The following DNAH14 variants were observed in gnomAD, a reference collection of about 807,000 sequenced individuals.
DNAH14 encodes the protein dynein axonemal heavy chain 14.
A neutral mutation model predicts 520.9 loss-of-function variants in DNAH14; 478 were observed. The observed-to-expected ratio is 0.92, with a 90% CI of 0.85 to 0.99. The LOEUF (loss-of-function observed/expected upper bound fraction) is 0.99. Ranked by LOEUF, DNAH14 falls within the 50% of genes least tolerant of loss-of-function variation. The probability of loss-of-function intolerance (pLI) is 0.00; values close to 1 mark genes in which losing one functional copy is unlikely to be tolerated. For synonymous variants in DNAH14, 1,581 were observed against 1,757.2 expected (o/e 0.90, Z 2.51); for missense variants, 4,831 against 5,234.5 (o/e 0.92, Z 2.38).
At chr1:225,214,099 T>G (rs1191644057) in intron 41 of DNAH14, among the ~76,000 whole-genome samples, 1 of 152,180 alleles carries the variant, frequency 6.6e-6, no homozygotes, top group Admixed American at 6.5e-5. Context: ...CCTAGTTTAT[T>G]GAGAGTGTTT....
In DNAH14 at chr1:225,289,805, AC is replaced by A. The variant is rs1379355659; in HGVS notation, c.8272-79del. The A allele has an allele frequency of 3.9e-6, 4 of 1,034,908 alleles. No individual in the cohort carries two copies. In the African/African-American group the frequency reaches 6.6e-5, roughly 17 times the overall value. The allele number at this position is 1,034,908 out of a possible 1,614,324, so 64.1% of individuals were successfully genotyped here. On this transcript the variant is annotated intron_variant, in intron 54 of 85. Coordinates refer to ENST00000682510, the MANE Select transcript of DNAH14 (RefSeq NM_001367479.1). Reference sequence around the variant, plus strand: ...GTATTTTTACATCAAAATTTCTAGCACAAATAATAAACAGAAAACTATACGT... The same window carrying A: ...GTATTTTTACATCAAAATTTCTAGCAAAATAATAAACAGAAAACTATACGT...
intron 33 of DNAH14, 31 bp downstream of exon 33, chr1:225,152,914 A>C: frequency 6.5e-7 from 1 of 1,539,882 alleles, no homozygotes; most frequent in East Asian, 2.4e-5. Context: ...AAATATTTAA[A>C]GGTGATTATA....
intron 54 of DNAH14, among the ~76,000 whole-genome samples, chr1:225,289,668 A>C (rs1392171316): frequency 6.6e-6 from 1 of 152,100 alleles, no homozygotes; most frequent in Non-Finnish European, 1.5e-5. Context: ...TAAAGAGGCT[A>C]TGGAAAGATG....
intron 80 of DNAH14, among the ~76,000 whole-genome samples, chr1:225,380,792 G>T (rs2095770626): frequency 6.6e-6 from 1 of 152,144 alleles, no homozygotes; most frequent in Non-Finnish European, 1.5e-5. Flanking sequence ...TGGCTAAATT[G>T]CTAGACTATG....
At chr1:225,330,133 A>G (rs2094762211) in intron 64 of DNAH14, among the ~76,000 whole-genome samples, 1 of 152,234 alleles carries the variant, frequency 6.6e-6, no homozygotes, top group African/African-American at 2.4e-5. Flanking sequence ...AATGGCTTTT[A>G]TCCAAAAGAC....
intron 17 of DNAH14, among the ~76,000 whole-genome samples, chr1:225,073,633 T>TTTG (rs370367041): frequency 0.068 from 10,294 of 151,878 alleles, 499 homozygotes; most frequent in Non-Finnish European, 0.1. Context: ...TCTTAGGAAG[T>TTTG]TTGTTGTTGT....
chr1:224,968,086 A>G (rs1358441149), intron 6 of DNAH14, among the ~76,000 whole-genome samples: 4 of 152,084 alleles, frequency 2.6e-5, no homozygotes, highest in Non-Finnish European at 5.9e-5. Context: ...CCATAAAATG[A>G]ACTTTATTAG....
chr1:225,036,518 T>C (rs2066979808), intron 11 of DNAH14, among the ~76,000 whole-genome samples: 1 of 152,176 alleles, frequency 6.6e-6, no homozygotes, highest in Non-Finnish European at 1.5e-5. Flanking sequence ...TGTGCTTATC[T>C]GGGAGGGAGA....
intron 36 of DNAH14, among the ~76,000 whole-genome samples, chr1:225,183,956 T>C (rs1013532567): frequency 1.3e-5 from 2 of 151,684 alleles, no homozygotes; most frequent in African/African-American, 4.8e-5. Flanking sequence ...AAAAAAACCC[T>C]GGACCAGAAA....
chr1:225,396,928 T>G (rs955594781), intron 84 of DNAH14: 1 of 151,974 alleles, frequency 6.6e-6, no homozygotes, highest in Non-Finnish European at 1.5e-5. Context: ...CTAGAACAAA[T>G]GCAGTATAGG....
chr1:225,198,016 G>A (rs1006619643), intron 38 of DNAH14, among the ~76,000 whole-genome samples: 3 of 152,012 alleles, frequency 2.0e-5, no homozygotes, highest in African/African-American at 7.3e-5. Context: ...TATTGATTTG[G>A]ATGCCTTTTA....
intron 10 of DNAH14, among the ~76,000 whole-genome samples, chr1:225,014,010 A>T (rs1477431931): frequency 6.6e-6 from 1 of 151,566 alleles, no homozygotes; most frequent in African/African-American, 2.4e-5. Flanking sequence ...TATGAAAAAA[A>T]CTCCTGCAGC....
intron 55 of DNAH14, among the ~76,000 whole-genome samples, chr1:225,290,814 G>T (rs1204524467): frequency 6.6e-6 from 1 of 150,824 alleles, no homozygotes; most frequent in African/African-American, 2.4e-5. Flanking sequence ...ATACATGTAA[G>T]AGCAGATTAC....
chr1:225,355,255 T>C (rs1239974224), intron 73 of DNAH14, among the ~76,000 whole-genome samples: 2 of 152,076 alleles, frequency 1.3e-5, no homozygotes, highest in Non-Finnish European at 2.9e-5. Context: ...AAAGTCTTTC[T>C]CTTTTCTTTC....
chr1:225,394,849 A>AC (rs1320413370), intron 84 of DNAH14, among the ~76,000 whole-genome samples: 1 of 151,972 alleles, frequency 6.6e-6, no homozygotes, highest in Admixed American at 6.6e-5. Flanking sequence ...GTCTAAAAAA[A>AC]AAAAAAAAAA....
chr1:225,315,797 T>G (rs939379929), intron 60 of DNAH14, among the ~76,000 whole-genome samples: 11 of 152,224 alleles, frequency 7.2e-5, no homozygotes, highest in African/African-American at 2.4e-4. Flanking sequence ...TGCCTGCTCC[T>G]TCCGCTGGAA....
chr1:225,080,335 A>T, intron 18 of DNAH14, 44 bp from the exon 19 acceptor site: 1 of 1,477,190 alleles, frequency 6.8e-7, no homozygotes, highest in Non-Finnish European at 9.0e-7. Context: ...AGTACGTTCT[A>T]GACATACTGA....
intron 56 of DNAH14, among the ~76,000 whole-genome samples, chr1:225,302,262 C>T (rs1041816854): frequency 1.3e-4 from 19 of 151,506 alleles, no homozygotes; most frequent in South Asian, 2.1e-4. Flanking sequence ...TTTGGGAATG[C>T]GTAAAACAAA....
intron 36 of DNAH14, among the ~76,000 whole-genome samples, chr1:225,176,899 A>C (rs755089186): frequency 6.6e-6 from 1 of 152,178 alleles, no homozygotes; most frequent in Non-Finnish European, 1.5e-5. Flanking sequence ...CAAATGCAGT[A>C]AACTGGTACC....
Sources: gnomAD v4.1 joint callset for allele counts (sites outside exome capture counted in the v4.1 genomes callset) on GRCh38, gnomAD v4.1.1 for gene constraint, MANE v1.5 for transcripts, NCBI Gene and HGNC (gene_info 2026-07-23, HGNC 2026-07-21) for gene names.